DLGAP2: variants seen among roughly 807,000 people sequenced by gnomAD.
DLGAP2 encodes disks large-associated protein 2.
In DLGAP2, 26 loss-of-function variants were observed where a neutral mutation model predicts 100.3. That is an observed-to-expected ratio of 0.26 (90% confidence interval 0.19 to 0.36). DLGAP2 has a LOEUF of 0.36. Among genes scored for constraint, DLGAP2 ranks in the 10% least tolerant of loss-of-function variants. The probability of loss-of-function intolerance (pLI) is 1.00; values close to 1 mark genes in which losing one functional copy is unlikely to be tolerated. For synonymous variants in DLGAP2, 886 were observed against 630.1 expected (o/e 1.41, Z -6.08); for missense variants, 1,858 against 1,453.2 (o/e 1.28, Z -4.53).
chr8:1,290,451 C>A (rs1800034074), intron 3 of DLGAP2, among the ~76,000 whole-genome samples: 1 of 152,204 alleles, frequency 6.6e-6, no homozygotes, highest in Admixed American at 6.5e-5. Flanking sequence ...TTGACCAGAT[C>A]TTTAACAGCT....
intron 2 of DLGAP2, among the ~76,000 whole-genome samples, chr8:1,074,461 A>G (rs1432935331): frequency 6.6e-6 from 1 of 152,240 alleles, no homozygotes; most frequent in Non-Finnish European, 1.5e-5. Context: ...TAACATCAGA[A>G]TACAGAAACC....
At chr8:1,380,294 G>A (rs570448401) in intron 3 of DLGAP2, 11 of 152,166 alleles carry the variant, frequency 7.2e-5, no homozygotes, top group African/African-American at 1.4e-4. Flanking sequence ...TGGCACCGAC[G>A]GGAGCTCAGG....
intron 1 of DLGAP2, among the ~76,000 whole-genome samples, chr8:820,566 G>T (rs1220757581): frequency 2.0e-5 from 3 of 152,172 alleles, no homozygotes; most frequent in African/African-American, 4.8e-5. Context: ...CACATTAAAA[G>T]GTCCCCAGAC....
chr8:900,018 C>CT (rs1419110875), intron 1 of DLGAP2, among the ~76,000 whole-genome samples: 1 of 152,210 alleles, frequency 6.6e-6, no homozygotes, highest in African/African-American at 2.4e-5. Flanking sequence ...CAGAATATGT[C>CT]TTTAAGACCT....
chr8:1,346,706 G>T (rs1201906440), intron 3 of DLGAP2, among the ~76,000 whole-genome samples: 1 of 131,416 alleles, frequency 7.6e-6, no homozygotes, highest in East Asian at 2.4e-4. Context: ...CATGGTAGCT[G>T]TGTGGAGGTT....
At chr8:1,232,638 C>T (rs555096721) in intron 2 of DLGAP2, among the ~76,000 whole-genome samples, 3 of 152,358 alleles carry the variant, frequency 2.0e-5, no homozygotes, top group East Asian at 1.9e-4. Flanking sequence ...AAGATGCTTT[C>T]ATGTAGGCAT....
At chr8:953,816 C>G (rs904861411) in intron 2 of DLGAP2, among the ~76,000 whole-genome samples, 1 of 151,948 alleles carries the variant, frequency 6.6e-6, no homozygotes, top group Non-Finnish European at 1.5e-5. Flanking sequence ...AGCAGAAGCG[C>G]TTTATGGGAC....
At chr8:803,335 C>T (rs1200068792) in intron 1 of DLGAP2, among the ~76,000 whole-genome samples, 1 of 152,222 alleles carries the variant, frequency 6.6e-6, no homozygotes, top group Non-Finnish European at 1.5e-5. Context: ...ATTATACTTA[C>T]TTTTGCTTGT....
chr8:924,507 A>G (rs1395584940), intron 2 of DLGAP2, among the ~76,000 whole-genome samples: 2 of 151,436 alleles, frequency 1.3e-5, no homozygotes, highest in Non-Finnish European at 2.9e-5. Context: ...GAGGTGCAGG[A>G]CGTGAATTTA....
At chr8:1,683,630 G>A (rs1008472445) in intron 12 of DLGAP2, among the ~76,000 whole-genome samples, 44 of 149,554 alleles carry the variant, frequency 2.9e-4, no homozygotes, top group Non-Finnish European at 4.5e-4. Context: ...ATAGGAATGG[G>A]GAGGAAGAGA....
chr8:1,436,280 G>A (rs190119792), intron 3 of DLGAP2, among the ~76,000 whole-genome samples: 1 of 152,210 alleles, frequency 6.6e-6, no homozygotes, highest in Non-Finnish European at 1.5e-5. Context: ...CCACTGGTGT[G>A]AGTCCAAGAG....
chr8:1,318,910 G>T (rs1287453679), intron 3 of DLGAP2, among the ~76,000 whole-genome samples: 1 of 151,734 alleles, frequency 6.6e-6, no homozygotes, highest in African/African-American at 2.4e-5. Context: ...GGTCCCCATA[G>T]ATTTTAGGAT....
chr8:1,589,664 T>A (rs535536336), intron 6 of DLGAP2, among the ~76,000 whole-genome samples: 3 of 152,206 alleles, frequency 2.0e-5, no homozygotes, highest in Non-Finnish European at 4.4e-5. Context: ...CCCAGGCTGG[T>A]CTCAAACTCC....
chr8:1,675,012 T>C (rs1017446413), intron 10 of DLGAP2, among the ~76,000 whole-genome samples: 2 of 152,244 alleles, frequency 1.3e-5, no homozygotes, highest in Non-Finnish European at 2.9e-5. Context: ...TGGTAAATTC[T>C]GACAGGAAGG....
intron 3 of DLGAP2, among the ~76,000 whole-genome samples, chr8:1,480,349 G>A (rs754102849): frequency 1.3e-5 from 2 of 152,194 alleles, no homozygotes; most frequent in Non-Finnish European, 2.9e-5. Flanking sequence ...GGGCATCTCA[G>A]TGCTGACTCT....
intron 4 of DLGAP2, among the ~76,000 whole-genome samples, chr8:1,505,475 T>G (rs1259024839): frequency 6.6e-6 from 1 of 152,212 alleles, no homozygotes; most frequent in Non-Finnish European, 1.5e-5. Context: ...TAGTGCCAGA[T>G]GAATTAATAA....
chr8:1,143,814 A>G (rs1284943380), intron 2 of DLGAP2, among the ~76,000 whole-genome samples: 1 of 152,162 alleles, frequency 6.6e-6, no homozygotes, highest in Admixed American at 6.5e-5. Context: ...CCTTCTGTGC[A>G]GTGCTGGACC....
intron 1 of DLGAP2, among the ~76,000 whole-genome samples, chr8:904,925 T>C (rs2128998208): frequency 6.6e-6 from 1 of 152,290 alleles, no homozygotes. Flanking sequence ...GAAATAAACC[T>C]ATTATGGTCC....
intron 1 of DLGAP2, among the ~76,000 whole-genome samples, chr8:811,806 C>G (rs1395283985): frequency 6.6e-6 from 1 of 152,266 alleles, no homozygotes; most frequent in Non-Finnish European, 1.5e-5. Flanking sequence ...AAGCTCCCAT[C>G]AAAGGATATA....
Sources: allele counts gnomAD v4.1 joint callset (sites outside exome capture counted in the v4.1 genomes callset), GRCh38; gene constraint gnomAD v4.1.1; transcripts MANE v1.5; gene names NCBI Gene and HGNC (gene_info 2026-07-23, HGNC 2026-07-21).